The following TUBGCP3 variants were observed in gnomAD, a reference collection of about 807,000 sequenced individuals.
TUBGCP3 encodes gamma-tubulin complex component 3.
Under a neutral mutation model 123.1 loss-of-function variants are expected in TUBGCP3, and 50 were observed. That is an observed-to-expected ratio of 0.41 (90% confidence interval 0.32 to 0.51). The LOEUF is 0.51. Ranked by LOEUF, TUBGCP3 falls within the 20% of genes least tolerant of loss-of-function variation. TUBGCP3 has a pLI of 0.36. For synonymous variants in TUBGCP3, 405 were observed against 413.9 expected (o/e 0.98, Z 0.26); for missense variants, 882 against 1,127.0 (o/e 0.78, Z 3.11).
chr13:112,507,487 G>A (rs1284448116), intron 17 of TUBGCP3, among the ~76,000 whole-genome samples: 4 of 152,196 alleles, frequency 2.6e-5, no homozygotes, highest in Non-Finnish European at 5.9e-5. Flanking sequence ...CTAAAAATGC[G>A]AAGCAGGCTA....
intron 16 of TUBGCP3, among the ~76,000 whole-genome samples, chr13:112,517,267 C>G (rs1225581734): frequency 1.3e-5 from 2 of 152,124 alleles, no homozygotes; most frequent in East Asian, 3.9e-4. Context: ...ATAGATTTGC[C>G]TTTTTTAAAT....
intron 17 of TUBGCP3, among the ~76,000 whole-genome samples, chr13:112,514,193 G>A (rs1277978946): frequency 6.8e-6 from 1 of 147,384 alleles, no homozygotes. Flanking sequence ...CACTTACTGT[G>A]CCTAACCTAT....
intron 11 of TUBGCP3, among the ~76,000 whole-genome samples, chr13:112,535,515 T>C (rs752549522): frequency 7.2e-5 from 11 of 152,240 alleles, no homozygotes; most frequent in Non-Finnish European, 1.6e-4. Context: ...TGGTATTTAA[T>C]TGTAGTTTTG....
At chr13:112,556,835 T>C (rs1454493102) in intron 5 of TUBGCP3, among the ~76,000 whole-genome samples, 1 of 152,232 alleles carries the variant, frequency 6.6e-6, no homozygotes, top group Non-Finnish European at 1.5e-5. Flanking sequence ...AAAGTTGTTT[T>C]TTGAAAAATG....
chr13:112,584,834 A>G (rs981704667), intron 1 of TUBGCP3, among the ~76,000 whole-genome samples: 2 of 152,254 alleles, frequency 1.3e-5, no homozygotes, highest in African/African-American at 4.8e-5. Flanking sequence ...GATAAGAATA[A>G]TTACGCAAAG....
chr13:112,512,357 G>C (rs533500284), intron 17 of TUBGCP3, among the ~76,000 whole-genome samples: 1 of 151,706 alleles, frequency 6.6e-6, no homozygotes, highest in African/African-American at 2.4e-5. Flanking sequence ...GATCCTGGGA[G>C]GCGGAGGTTG....
intron 1 of TUBGCP3, among the ~76,000 whole-genome samples, chr13:112,575,349 TAAC>T (rs1364216815): frequency 1.3e-5 from 2 of 152,070 alleles, no homozygotes; most frequent in African/African-American, 4.8e-5. Flanking sequence ...TAAGAAAAAT[TAAC>T]AAGGATAAAG....
At chr13:112,535,479 T>C (rs1026673822) in intron 11 of TUBGCP3, among the ~76,000 whole-genome samples, 3 of 152,270 alleles carry the variant, frequency 2.0e-5, no homozygotes, top group Admixed American at 6.5e-5. Context: ...GGTTTGTTTT[T>C]GTTAACAAAC....
intron 13 of TUBGCP3, among the ~76,000 whole-genome samples, chr13:112,525,263 C>T (rs1400184989): frequency 2.0e-5 from 3 of 152,216 alleles, no homozygotes. Flanking sequence ...TGCGCAATAA[C>T]CCACAACCAA....
At chr13:112,541,158 C>T (rs940108419) in intron 11 of TUBGCP3, among the ~76,000 whole-genome samples, 16 of 152,214 alleles carry the variant, frequency 1.1e-4, no homozygotes, top group Admixed American at 3.3e-4. Context: ...TCATTACTAT[C>T]ACGAAAGGAA....
At chr13:112,530,701 C>G (rs1030784352) in intron 11 of TUBGCP3, among the ~76,000 whole-genome samples, 1 of 152,092 alleles carries the variant, frequency 6.6e-6, no homozygotes, top group Non-Finnish European at 1.5e-5. Context: ...TTTCAGAGAT[C>G]ATTTTAATAA....
At chr13:112,576,731 C>G (rs1881843472) in intron 1 of TUBGCP3, among the ~76,000 whole-genome samples, 1 of 151,884 alleles carries the variant, frequency 6.6e-6, no homozygotes, top group Non-Finnish European at 1.5e-5. Flanking sequence ...AAAAACACAA[C>G]ATATCAAAAT....
chr13:112,534,403 G>T (rs1270234152), intron 11 of TUBGCP3, among the ~76,000 whole-genome samples: 2 of 152,100 alleles, frequency 1.3e-5, no homozygotes, highest in African/African-American at 4.8e-5. Context: ...AAAATTAGCC[G>T]GGCGTGGTGG....
chr13:112,507,166 G>A (rs944943160), intron 17 of TUBGCP3, among the ~76,000 whole-genome samples: 1 of 152,174 alleles, frequency 6.6e-6, no homozygotes, highest in Non-Finnish European at 1.5e-5. Flanking sequence ...GAACTCTGGT[G>A]GATCTTTTCA....
rs574596744 is a variant in TUBGCP3, at chr13:112,487,369, T to C, written c.2566-1218A>G. Among the ~76,000 whole-genome samples the C allele has an allele frequency of 2.0e-5, 3 of 152,308 alleles. No individual in the cohort carries two copies. In the East Asian group the frequency reaches 5.8e-4, roughly 29 times the overall value. ...TGCTGTTACAGAAAAGAATCTTCTT[T>C]GTAAATCATTACCATTCAGATTTAA... On this transcript the variant is annotated intron_variant, in intron 21 of 21. Coordinates refer to ENST00000261965, the MANE Select transcript of TUBGCP3 (RefSeq NM_006322.6).
chr13:112,579,869 T>A (rs1022630839), intron 1 of TUBGCP3, among the ~76,000 whole-genome samples: 7 of 152,180 alleles, frequency 4.6e-5, no homozygotes, highest in African/African-American at 1.7e-4. Flanking sequence ...TAAGTTCACA[T>A]AAAAAACCTG....
chr13:112,565,302 A>T, intron 2 of TUBGCP3, 124 bp from the exon 3 acceptor site: 3 of 785,754 alleles, frequency 3.8e-6, no homozygotes, highest in Non-Finnish European at 6.2e-6. Flanking sequence ...GTCACTGTCA[A>T]ATTAGATGAT....
rs1879068121 is a variant in TUBGCP3 at position 112,547,089 on chromosome 13, C to G, written c.1168+531G>C. 2.8e-5 allele frequency: 6 copies of G among 216,266 alleles called. 1 individual carries two copies. In the East Asian group the frequency reaches 4.7e-4, roughly 17 times the overall value. The allele number at this position is 216,266 out of a possible 1,614,324, so 13.4% of individuals were successfully genotyped here. On this transcript the variant is annotated intron_variant, in intron 10 of 21. Transcript: ENST00000261965. ...AAATGTCAGAAAGCAACTAGCAATA[C>G]AGAACCTAGAGCCAGAGAGGCCAAA... is the stretch of plus-strand genomic sequence containing the variant.
intron 17 of TUBGCP3, among the ~76,000 whole-genome samples, chr13:112,513,818 T>G (rs1194634161): frequency 6.6e-6 from 1 of 152,188 alleles, no homozygotes; most frequent in Non-Finnish European, 1.5e-5. Flanking sequence ...CCCACACAGT[T>G]TCTCTTTATG....
Sources: allele counts gnomAD v4.1 joint callset (sites outside exome capture counted in the v4.1 genomes callset), GRCh38; gene constraint gnomAD v4.1.1; transcripts MANE v1.5; gene names NCBI Gene and HGNC (gene_info 2026-07-23, HGNC 2026-07-21).